CAGE1: variants seen among roughly 807,000 people sequenced by gnomAD.
The protein encoded by CAGE1 is cancer antigen 1.
In CAGE1, 66 loss-of-function variants were observed where a neutral mutation model predicts 94.9. The observed-to-expected ratio is 0.70, with a 90% CI of 0.57 to 0.85. The LOEUF is 0.85. CAGE1 is among the 40% of genes least tolerant of loss of function. The probability of loss-of-function intolerance (pLI) is 0.00; values close to 1 mark genes in which losing one functional copy is unlikely to be tolerated. For synonymous variants in CAGE1, 319 were observed against 321.0 expected (o/e 0.99, Z 0.07); for missense variants, 865 against 950.4 (o/e 0.91, Z 1.18).
At position 7,373,346 on chromosome 6, in the gene CAGE1, G is replaced by C. The variant is rs560699689; in HGVS notation, c.1473C>G (p.Phe491Leu). ...CCAGGTTTTCCTTTTCAAGTTTCTGGAATTCCTCCTGTAAAGACAAGAACT... is the reference window on the plus strand; with the variant it reads ...CCAGGTTTTCCTTTTCAAGTTTCTGCAATTCCTCCTGTAAAGACAAGAACT... ...EQEFLSLQEE[F>L]QKLEKENLEE... The change falls in exon 5 of 14, where the codon TTC becomes TTG. Residue 491 changes from phenylalanine to leucine, a missense_variant. Transcript: ENST00000502583. 7.6e-5 allele frequency: 122 copies of C among 1,612,366 alleles called. 1 individual carries two copies. The East Asian group carries it at 2.7e-3, about 35-fold the overall frequency.
At chr6:7,356,852 A>G (rs1759971592) in intron 9 of CAGE1, among the ~76,000 whole-genome samples, 1 of 152,194 alleles carries the variant, frequency 6.6e-6, no homozygotes, top group Non-Finnish European at 1.5e-5. Flanking sequence ...GTTGGAGCAC[A>G]GTGGCACGAT....
At chr6:7,372,953 GTTTC>G (rs1214899296) in intron 5 of CAGE1, 116 bp downstream of exon 5, 5 of 790,594 alleles carry the variant, frequency 6.3e-6, no homozygotes, top group African/African-American at 1.8e-5. Context: ...GCCGAGATCT[GTTTC>G]TTTCTTTAAT....
chr6:7,341,088 G>T (rs746526346), intron 11 of CAGE1: 85 of 534,210 alleles, frequency 1.6e-4, no homozygotes, highest in Non-Finnish European at 2.9e-4. Context: ...TGTGAAAGGG[G>T]ATCTCCAATG....
Position 7,370,047 on chromosome 6 carries a change from A to T in CAGE1, c.1765T>A (p.Ser589Thr). Residue 589 changes from serine (S) to threonine (T), a missense_variant, in exon 6 of 14, where the codon TCT (serine) becomes ACT (threonine). By Grantham distance (58) the Ser-to-Thr change is moderately conservative (BLOSUM62 1). Transcript: ENST00000502583. The part of the protein sequence containing the change: ...DITKDTKTTH[S>T]NLLPDCSPCE... The stretch of plus-strand genomic sequence containing the variant: ...GGTGAGCAATCCGGGAGCAGATTAG[A>T]ATGTGTCGTTTTTGTATCCTACATG... 1 of 1,606,616 alleles carries T rather than the reference A, an allele frequency of 6.2e-7. No individual in the cohort carries two copies. The highest frequency in any genetic ancestry group is 8.5e-7 in the Non-Finnish European group (1 of 1,177,804).
chr6:7,341,235 G>A, intron 11 of CAGE1: 1 of 680,780 alleles, frequency 1.5e-6, no homozygotes, highest in Non-Finnish European at 2.7e-6. Flanking sequence ...AGATACTGTG[G>A]AGGTAGCCAA....
intron 10 of CAGE1, among the ~76,000 whole-genome samples, chr6:7,355,376 G>GT (rs1379686913): frequency 1.3e-5 from 2 of 152,172 alleles, no homozygotes; most frequent in Non-Finnish European, 2.9e-5. Context: ...AATAAGTACT[G>GT]TATGCATCAA....
intron 2 of CAGE1, among the ~76,000 whole-genome samples, chr6:7,386,489 A>G (rs1761124586): frequency 6.6e-6 from 1 of 152,192 alleles, no homozygotes; most frequent in Admixed American, 6.5e-5. Context: ...ATGTAAGTGG[A>G]AGATGCATTA....
intron 11 of CAGE1, among the ~76,000 whole-genome samples, chr6:7,343,981 G>C (rs1332356887): frequency 6.6e-6 from 1 of 152,236 alleles, no homozygotes; most frequent in Non-Finnish European, 1.5e-5. Flanking sequence ...GTTGTTTGGA[G>C]CAGGAACTTC....
chr6:7,346,078 G>A (rs922716148), intron 11 of CAGE1, among the ~76,000 whole-genome samples: 1 of 152,050 alleles, frequency 6.6e-6, no homozygotes, highest in East Asian at 1.9e-4. Flanking sequence ...TAAATTTTAG[G>A]TGAACCTATA....
chr6:7,365,451 A>T lies in CAGE1; in HGVS notation c.2193+17T>A, dbSNP rs774495699. The T allele has an allele frequency of 3.1e-6, 5 of 1,600,308 alleles. No homozygotes were observed. The highest frequency in any genetic ancestry group is 2.2e-5 in the East Asian group (1 of 44,748). On this transcript the variant is annotated intron_variant, in intron 9 of 13. Coordinates refer to ENST00000502583, the MANE Select transcript of CAGE1 (RefSeq NM_001170692.2). ...GTGTATAAAAATAATAGCAAGGTAAAAAAAGGTCTTTCTTACCAAGAAATC... is the reference window on the plus strand; with the variant it reads ...GTGTATAAAAATAATAGCAAGGTAATAAAAGGTCTTTCTTACCAAGAAATC...
intron 11 of CAGE1, among the ~76,000 whole-genome samples, chr6:7,336,243 T>C (rs1028577403): frequency 2.6e-5 from 4 of 152,216 alleles, no homozygotes; most frequent in Non-Finnish European, 5.9e-5. Context: ...AGGAGGGAGA[T>C]ACCCAAGGAA....
chr6:7,329,950 T>C (rs577869209), intron 12 of CAGE1, 62 bp from the exon 13 acceptor site: 36 of 698,890 alleles, frequency 5.2e-5, no homozygotes, highest in East Asian at 1.4e-4. Context: ...ATAGTGAACA[T>C]GGTGAGCAAG....
At position 7,328,451 on chromosome 6, in the gene CAGE1, C is replaced by T. The variant is rs529004767; in HGVS notation, c.2478+1398G>A. Among the ~76,000 whole-genome samples the T allele has an allele frequency of 2.0e-5, 3 of 152,154 alleles. No homozygotes were observed. In the East Asian group the frequency reaches 5.8e-4, roughly 29 times the overall value. On this transcript the variant is annotated intron_variant, in intron 13 of 13. Transcript: ENST00000502583. ...AGGAGGCAGAGCTTGAGCTGACAGG[C>T]GTTTGTGAGGTGGGAACTGAGTAAC...
rs1443899597 is a variant in CAGE1 at position 7,339,066 on chromosome 6, A to G, written c.2370-4976T>C. The G allele has an allele frequency of 1.2e-6, 2 of 1,603,392 alleles. No homozygotes were observed. Among genetic ancestry groups the G allele is most frequent in the Non-Finnish European group, 8.5e-7 (1 of 1,171,224 alleles). On this transcript the variant is annotated intron_variant, in intron 11 of 13. Transcript: ENST00000502583. The surrounding 1 kb of genome is among the most constrained non-coding windows in gnomAD (Gnocchi z 4.7). ...CAACACATGGCGCACAGCAGTGTCAACGTAGTAGTTAACAGGGTCTCTGCT... is the reference window on the plus strand; with the variant it reads ...CAACACATGGCGCACAGCAGTGTCAGCGTAGTAGTTAACAGGGTCTCTGCT...
rs1297269877 is a variant in CAGE1 at position 7,362,727 on chromosome 6, A to G, written c.2193+2741T>C. On this transcript the variant is annotated intron_variant, in intron 9 of 13. Transcript: ENST00000502583. The surrounding 1 kb of genome is among the most constrained non-coding windows in gnomAD (Gnocchi z 4.1). Reference sequence around the variant, plus strand: ...GTGAATCTTCTGGAGTACATTCTGCACTACCAAAAAATAAAAACAAAATCC... The same window carrying G: ...GTGAATCTTCTGGAGTACATTCTGCGCTACCAAAAAATAAAAACAAAATCC... Among the ~76,000 whole-genome samples, 1 of 152,228 alleles carries G rather than the reference A, an allele frequency of 6.6e-6. No individual in the cohort carries two copies. The highest frequency in any genetic ancestry group is 1.9e-4 in the East Asian group (1 of 5,202).
chr6:7,349,883 A>C (rs1040615849), intron 11 of CAGE1, among the ~76,000 whole-genome samples: 1 of 150,984 alleles, frequency 6.6e-6, no homozygotes, highest in Admixed American at 6.6e-5. Context: ...GTGAGCCAAG[A>C]TCTCACTGTT....
intron 12 of CAGE1, among the ~76,000 whole-genome samples, chr6:7,333,629 TCTATCTAA>T (rs1427815329): frequency 8.6e-4 from 57 of 66,652 alleles, no homozygotes; most frequent in Admixed American, 3.6e-3. Context: ...TATCTAACTA[TCTATCTAA>T]CTATCTATAT....
At chr6:7,341,610 G>T in intron 11 of CAGE1, 1 of 834,812 alleles carries the variant, frequency 1.2e-6, no homozygotes, top group Non-Finnish European at 2.1e-6. Flanking sequence ...CCACAGCAAG[G>T]TGGAACAGAT....
At chr6:7,385,165 T>G (rs546697250) in intron 3 of CAGE1, among the ~76,000 whole-genome samples, 25 of 151,902 alleles carry the variant, frequency 1.6e-4, no homozygotes, top group African/African-American at 5.6e-4. Flanking sequence ...ACCACCACAC[T>G]CAGCTAATTT....
Sources: gnomAD v4.1 joint callset for allele counts (sites outside exome capture counted in the v4.1 genomes callset) on GRCh38, gnomAD v4.1.1 for gene constraint, Gnocchi (gnomAD v3.1) non-coding constraint, MANE v1.5 for transcripts, NCBI Gene and HGNC (gene_info 2026-07-23, HGNC 2026-07-21) for gene names.